AP3D1: variants seen among roughly 807,000 people sequenced by gnomAD.
AP3D1 encodes the protein AP-3 complex subunit delta-1.
AP3D1 carries 51 observed loss-of-function variants against 147.6 expected under a neutral mutation model. The ratio of observed to expected loss-of-function variants is 0.35; its 90% CI spans 0.28 to 0.44. The LOEUF (loss-of-function observed/expected upper bound fraction) is 0.44, where lower values mean the gene tolerates loss of function less well. Ranked by LOEUF, AP3D1 falls within the 20% of genes least tolerant of loss-of-function variation. The pLI, the probability that AP3D1 is intolerant of heterozygous loss-of-function variation, is 1.00. For missense variants in AP3D1, 1,421 were observed against 1,624.2 expected (o/e 0.87, Z 2.15); for synonymous variants, 760 against 663.0 (o/e 1.15, Z -2.25).
At position 2,109,086 on chromosome 19, in the gene AP3D1, C is replaced by T. The variant is rs762878489; in HGVS notation, c.3472G>A (p.Val1158Ile). 1.1e-4 allele frequency: 176 copies of T among 1,608,040 alleles called. 3 individuals are homozygous for T. In the South Asian group the frequency reaches 1.8e-3, roughly 17 times the overall value. Reference sequence around the variant, plus strand: ...TCCATCAGCCCCTCACTCTCCTTACCGGAAAAATGGTGGTGAAAACAGATC... The same window carrying T: ...TCCATCAGCCCCTCACTCTCCTTACTGGAAAAATGGTGGTGAAAACAGATC... Reference protein sequence around the residue: ...AKICFHHHFSVVERVDSCASM... With the variant: ...AKICFHHHFSIVERVDSCASM... Residue 1158 changes from valine (V) to isoleucine (I), a missense_variant and splice_region_variant, in exon 30 of 32, where the codon GTT becomes ATT. Physicochemically the swap from Val to Ile is conservative, Grantham distance 29. Coordinates refer to ENST00000643116, the MANE Select transcript of AP3D1 (RefSeq NM_001261826.3).
Position 2,109,938 on chromosome 19 carries a change from G to A in AP3D1, c.3285C>T (p.His1095=), listed in dbSNP as rs773829362. The A allele has an allele frequency of 7.5e-5, 121 of 1,613,616 alleles. No homozygotes were observed. Among genetic ancestry groups the A allele is most frequent in the Non-Finnish European group, 9.7e-5 (114 of 1,179,992 alleles). ...FIAKNDEGAT[H]EKLDFRLHFS... ...AGTGCAGCCTGAAGTCCAGCTTCTC[G>A]TGGGTCGCACCCTCGTCATTCTGCG... Residue 1095 remains histidine (H), a synonymous_variant, in exon 29 of 32, where the codon CAC becomes CAT. Transcript: ENST00000643116.
At chr19:2,133,639 G>A (rs940204124) in intron 4 of AP3D1, among the ~76,000 whole-genome samples, 5 of 152,056 alleles carry the variant, frequency 3.3e-5, no homozygotes, top group African/African-American at 9.7e-5. Context: ...AAGTAGCTGG[G>A]ATTACAGGTG....
intron 14 of AP3D1, among the ~76,000 whole-genome samples, 189 bp downstream of exon 14, chr19:2,120,673 C>T (rs112205443): frequency 3.3e-5 from 5 of 152,310 alleles, no homozygotes; most frequent in East Asian, 1.9e-4. Context: ...AGCACAGACT[C>T]GCCTCTGTAA....
At chr19:2,143,938 T>C (rs1173197539) in intron 1 of AP3D1, among the ~76,000 whole-genome samples, 1 of 151,738 alleles carries the variant, frequency 6.6e-6, no homozygotes, top group Non-Finnish European at 1.5e-5. Context: ...AAATACAAAA[T>C]TAGCCGGGGT....
chr19:2,125,629 T>C (rs1352543618), intron 9 of AP3D1, among the ~76,000 whole-genome samples: 1 of 152,100 alleles, frequency 6.6e-6, no homozygotes, highest in Non-Finnish European at 1.5e-5. Context: ...AGGAGTGTTA[T>C]GTGAATATAA....
chr19:2,161,536 G>A (rs116284722), intron 1 of AP3D1, among the ~76,000 whole-genome samples: 271 of 152,088 alleles, frequency 1.8e-3, no homozygotes, highest in African/African-American at 6.2e-3. Flanking sequence ...GGAAAATAAT[G>A]TCAAGGTCAA....
chr19:2,113,216 AGGTGCAC>A, intron 23 of AP3D1, 113 bp downstream of exon 23: 1 of 656,778 alleles, frequency 1.5e-6, no homozygotes. Context: ...TGGGTCCCAC[AGGTGCAC>A]GGTGCTGACC....
At chr19:2,144,303 C>T (rs114226712) in intron 1 of AP3D1, among the ~76,000 whole-genome samples, 1 of 152,168 alleles carries the variant, frequency 6.6e-6, no homozygotes, top group African/African-American at 2.4e-5. Context: ...CCCGGGACAC[C>T]GTCCTGCTTT....
In AP3D1 at chr19:2,111,213, C is replaced by T. The variant is rs200644259; in HGVS notation, c.2985+72G>A. The T allele has an allele frequency of 1.3e-4, 212 of 1,578,618 alleles. No individual in the cohort carries two copies. In the East Asian group the frequency reaches 3.8e-3, roughly 29 times the overall value. On this transcript the variant is annotated intron_variant, in intron 26 of 31. Coordinates refer to ENST00000643116, the MANE Select transcript of AP3D1 (RefSeq NM_001261826.3). ...ACATCCGGGAGCTGTGGGGGCTGCC[C>T]GGGTTCCGCGCGATCCCATGCCAAA... is the stretch of plus-strand genomic sequence containing the variant.
intron 1 of AP3D1, among the ~76,000 whole-genome samples, chr19:2,140,010 C>T (rs2238599): frequency 0.5 from 76,222 of 151,764 alleles, 19,230 homozygotes; most frequent in African/African-American, 0.52. Flanking sequence ...TTCCTCCATG[C>T]TTTATGATCC....
Position 2,112,957 on chromosome 19 carries a change from C to T in AP3D1, c.2690G>A (p.Ser897Asn). Residue 897 changes from serine (S) to asparagine (N), a missense_variant, in exon 24 of 32, where the codon AGT (serine) becomes AAT (asparagine). This residue lies in a region of AP3D1 where 791 missense variants were observed against 761.4 expected (regional missense o/e 1.04). Transcript: ENST00000643116. ...PAPVPSTGELSVNTVTTPKDE... is the reference protein window; with the variant it reads ...PAPVPSTGELNVNTVTTPKDE... ...CTTCGGGGTAGTGACAGTGTTCACACTGAGCTCCCCCTGCAGGGAGCCAGG... is the reference window on the plus strand; with the variant it reads ...CTTCGGGGTAGTGACAGTGTTCACATTGAGCTCCCCCTGCAGGGAGCCAGG... The T allele has an allele frequency of 6.2e-7, 1 of 1,611,296 alleles. No individual in the cohort carries two copies. The highest frequency in any genetic ancestry group is 8.5e-7 in the Non-Finnish European group (1 of 1,179,054).
At chr19:2,150,229 G>A (rs1751320390) in intron 1 of AP3D1, among the ~76,000 whole-genome samples, 1 of 152,184 alleles carries the variant, frequency 6.6e-6, no homozygotes, top group Admixed American at 6.5e-5. Context: ...GGACTGGTGC[G>A]GTATCAGACG....
At chr19:2,114,983 C>T (rs955788922) in intron 20 of AP3D1, among the ~76,000 whole-genome samples, 162 bp from the exon 21 acceptor site, 12 of 152,350 alleles carry the variant, frequency 7.9e-5, no homozygotes, top group East Asian at 1.9e-4. Flanking sequence ...GCACTAAGGG[C>T]GGCTGGGCCC....
At chr19:2,105,952 C>T (rs1285452741) in intron 31 of AP3D1, among the ~76,000 whole-genome samples, 1 of 152,076 alleles carries the variant, frequency 6.6e-6, no homozygotes, top group Non-Finnish European at 1.5e-5. Context: ...AAAAGATTAT[C>T]CAGGCGTGGT....
At chr19:2,148,968 G>A (rs1371682987) in intron 1 of AP3D1, among the ~76,000 whole-genome samples, 1 of 152,146 alleles carries the variant, frequency 6.6e-6, no homozygotes, top group Admixed American at 6.6e-5. Context: ...CGGTCTATAG[G>A]ATAGCTGCTT....
At chr19:2,138,510 G>A in intron 2 of AP3D1, 109 bp downstream of exon 2, 1 of 866,650 alleles carries the variant, frequency 1.2e-6, no homozygotes. Flanking sequence ...CCGACAGCAG[G>A]TGGTACCAAT....
At chr19:2,121,425 T>A in intron 12 of AP3D1, 114 bp from the exon 13 acceptor site, 1 of 1,357,654 alleles carries the variant, frequency 7.4e-7, no homozygotes, top group Admixed American at 1.9e-5. Flanking sequence ...CGGACCCGGA[T>A]TCACAGATCG....
At chr19:2,159,500 C>T (rs1178903071) in intron 1 of AP3D1, among the ~76,000 whole-genome samples, 33 of 148,328 alleles carry the variant, frequency 2.2e-4, no homozygotes, top group African/African-American at 6.0e-4. Flanking sequence ...GCGATTCTCC[C>T]GCCTCGGCCT....
chr19:2,113,233 C>T (rs2018337743), intron 23 of AP3D1, 103 bp downstream of exon 23: 2 of 688,838 alleles, frequency 2.9e-6, no homozygotes, highest in Non-Finnish European at 4.9e-6. Context: ...CGGTGCTGAC[C>T]GCGAGAGCAC....
Sources: gnomAD v4.1 joint callset for allele counts (sites outside exome capture counted in the v4.1 genomes callset) on GRCh38, gnomAD v4.1.1 for gene constraint, gnomAD v4.1.1 regional missense constraint, MANE v1.5 for transcripts, NCBI Gene and HGNC (gene_info 2026-07-23, HGNC 2026-07-21) for gene names.